Variants in SERPINH1 observed in about 807,000 individuals in gnomAD.
SERPINH1 encodes the protein serpin family H member 1.
A neutral mutation model predicts 32.3 loss-of-function variants in SERPINH1; 22 were observed. The observed-to-expected ratio is 0.68, with a 90% CI of 0.49 to 0.97. The LOEUF (loss-of-function observed/expected upper bound fraction) is 0.97, where lower values mean the gene tolerates loss of function less well. Ranked by LOEUF, SERPINH1 falls within the 50% of genes least tolerant of loss-of-function variation. The pLI, the probability that SERPINH1 is intolerant of heterozygous loss-of-function variation, is 0.00. For synonymous variants in SERPINH1, 251 were observed against 245.9 expected (o/e 1.02, Z -0.19); for missense variants, 543 against 576.4 (o/e 0.94, Z 0.59).
intron 2 of SERPINH1, 66 bp from the exon 3 acceptor site, chr11:75,568,665 T>C: frequency 1.9e-6 from 2 of 1,048,634 alleles, no homozygotes; most frequent in Non-Finnish European, 3.0e-6. Flanking sequence ...CGGGGGTGGC[T>C]GTGGGCTGTG....
Position 75,566,347 on chromosome 11 carries a change from G to C in SERPINH1, c.-3G>C. ...CGTGGTGCACGCAAACCACTTCCTG[G>C]CCATGCGCTCCCTCCTGCTTCTCAG... On this transcript the variant is annotated 5_prime_UTR_variant, in exon 2 of 5. Transcript: ENST00000358171. The C allele has an allele frequency of 1.2e-6, 2 of 1,607,244 alleles. No homozygotes were observed. The highest frequency in any genetic ancestry group is 1.7e-6 in the Non-Finnish European group (2 of 1,177,674).
At chr11:75,565,245 T>C (rs1942052879) in intron 1 of SERPINH1, among the ~76,000 whole-genome samples, 1 of 152,180 alleles carries the variant, frequency 6.6e-6, no homozygotes, top group Non-Finnish European at 1.5e-5. Context: ...AGATGGCCTG[T>C]GTGGCAGTGG....
At position 75,569,087 on chromosome 11, in the gene SERPINH1, G is replaced by A. The variant is rs747105294; in HGVS notation, c.870G>A (p.Leu290=). The change falls in exon 4 of 5, where the codon CTG becomes CTA. Residue 290 remains leucine, a synonymous_variant. Coordinates refer to ENST00000358171, the MANE Select transcript of SERPINH1 (RefSeq NM_001235.5). ...RLEKLLTKEQ[L]KIWMGKMQKK... is the part of the protein sequence containing the mutation. ...AAAAGCTGCTAACCAAAGAGCAGCTGAAGATCTGGATGGGGAAGATGCAGA... is the reference window on the plus strand; with the variant it reads ...AAAAGCTGCTAACCAAAGAGCAGCTAAAGATCTGGATGGGGAAGATGCAGA... The A allele has an allele frequency of 1.2e-6, 2 of 1,614,256 alleles. No individual in the cohort carries two copies. Among genetic ancestry groups the A allele is most frequent in the Admixed American group, 3.3e-5 (2 of 60,036 alleles).
At position 75,566,811 on chromosome 11, in the gene SERPINH1, C is replaced by T. The variant is rs779302299; in HGVS notation, c.462C>T (p.Tyr154=). The T allele has an allele frequency of 3.1e-6, 5 of 1,613,064 alleles. No homozygotes were observed. The East Asian group carries it at 8.9e-5, about 29-fold the overall frequency. The change falls in exon 2 of 5, where the codon TAC becomes TAT. Residue 154 remains tyrosine, a synonymous_variant. Coordinates refer to ENST00000358171, the MANE Select transcript of SERPINH1 (RefSeq NM_001235.5). The part of the protein sequence containing the change: ...DDFVRSSKQH[Y]NCEHSKINFR... ...TCGTGCGCAGCAGCAAGCAGCACTA[C>T]AACTGCGAGCACTCCAAGATCAACT...
At position 75,572,189 on chromosome 11, in the gene SERPINH1, A is replaced by C. The variant is rs1010753984; in HGVS notation, c.*106A>C. On this transcript the variant is annotated 3_prime_UTR_variant, in exon 5 of 5. Coordinates refer to ENST00000358171, the MANE Select transcript of SERPINH1 (RefSeq NM_001235.5). ...GTGAGGTACCAGCCTTGGATACTCC[A>C]TGGGGTGGGGGTGGAAAAACAGACC... 7.6e-5 allele frequency: 66 copies of C among 865,258 alleles called. No homozygotes were observed. The highest frequency in any genetic ancestry group is 1.6e-4 in the East Asian group (5 of 32,184). 53.6% of individuals were successfully genotyped at this position (865,258 alleles called of 1,614,324 possible). A position where few individuals can be genotyped will look rare whatever the true frequency, so the allele number is the denominator to read the frequency against.
intron 4 of SERPINH1, 28 bp downstream of exon 4, chr11:75,569,199 G>A (rs769977294): frequency 5.9e-6 from 9 of 1,535,728 alleles, no homozygotes; most frequent in Non-Finnish European, 7.1e-6. Flanking sequence ...CTAGGGGCCT[G>A]CAGGCCTTGG....
At chr11:75,564,355 G>A (rs72991878) in intron 1 of SERPINH1, among the ~76,000 whole-genome samples, 3,703 of 152,294 alleles carry the variant, frequency 0.024, 66 homozygotes, top group Non-Finnish European at 0.036. Flanking sequence ...GGTGGGGGTG[G>A]GGGCTGTCAA....
rs1195158034 is a variant in SERPINH1, at chr11:75,568,941, C to T, written c.724C>T (p.Leu242Phe). The T allele has an allele frequency of 1.9e-6, 3 of 1,613,910 alleles. No individual in the cohort carries two copies. Among genetic ancestry groups the T allele is most frequent in the Non-Finnish European group, 1.7e-6 (2 of 1,179,970 alleles). Residue 242 changes from leucine to phenylalanine, a missense_variant and splice_region_variant, in exon 4 of 5, where the codon CTC becomes TTC. Leu to Phe is a conservative substitution (Grantham distance 22, BLOSUM62 0). Coordinates refer to ENST00000358171, the MANE Select transcript of SERPINH1 (RefSeq NM_001235.5). ...TGTCCTTTCCGCTCCTCTCCCAGGC[C>T]TCTACAACTACTACGACGACGAGAA... ...VGVMMMHRTG[L>F]YNYYDDEKEK... is the part of the protein sequence containing the mutation.
chr11:75,572,102 G>C lies in SERPINH1; in HGVS notation c.*19G>C. 6.2e-7 allele frequency: 1 copy of C among 1,613,424 alleles called. No individual in the cohort carries two copies. The highest frequency in any genetic ancestry group is 8.5e-7 in the Non-Finnish European group (1 of 1,179,672). Reference sequence around the variant, plus strand: ...GTTATAGGGCCTCAGGGTGCACACAGGATGGCAGGAGGCATCCAAAGGCTC... The same window carrying C: ...GTTATAGGGCCTCAGGGTGCACACACGATGGCAGGAGGCATCCAAAGGCTC... On this transcript the variant is annotated 3_prime_UTR_variant, in exon 5 of 5. Transcript: ENST00000358171.
rs1323396560 is a variant in SERPINH1, at chr11:75,572,681, T to C, written c.*598T>C. 6.4e-6 allele frequency: 1 copy of C among 157,300 alleles called. No individual in the cohort carries two copies. Among genetic ancestry groups the C allele is most frequent in the African/African-American group, 2.4e-5 (1 of 41,478 alleles). 9.7% of individuals were successfully genotyped at this position (157,300 alleles called of 1,614,324 possible). On this transcript the variant is annotated 3_prime_UTR_variant, in exon 5 of 5. Transcript: ENST00000358171. ...TTTGTTTTGTTTCTTCCTTTTTTAG[T>C]TCTTCAAAGATAGGGAGGGAAGGGG...
At position 75,566,926 on chromosome 11, in the gene SERPINH1, G is replaced by T; in HGVS notation, c.577G>T (p.Glu193Ter). 2 of 1,605,652 alleles carry T rather than the reference G, an allele frequency of 1.2e-6. No individual in the cohort carries two copies. The highest frequency in any genetic ancestry group is 8.5e-7 in the Non-Finnish European group (1 of 1,179,722). The change falls in exon 2 of 5, where the codon GAG (glutamate) becomes TAG (stop). Residue 193 changes from glutamate (E) to a stop codon, truncating the protein, a stop_gained. Coordinates refer to ENST00000358171, the MANE Select transcript of SERPINH1 (RefSeq NM_001235.5). LOFTEE classifies it high-confidence loss of function. ...GCTGCCCGAGGTCACCAAGGACGTG[G>T]AGCGCACGGACGGCGCCCTGCTAGT... ...GKLPEVTKDV[E>*]RTDGALLVNA...
At position 75,570,549 on chromosome 11, in the gene SERPINH1, G is replaced by A. The variant is rs184285352; in HGVS notation, c.955-1232G>A. Among the ~76,000 whole-genome samples the A allele has an allele frequency of 2.0e-5, 3 of 152,314 alleles. No individual in the cohort carries two copies. The East Asian group carries it at 5.8e-4, about 29-fold the overall frequency. On this transcript the variant is annotated intron_variant, in intron 4 of 4. Transcript: ENST00000358171. ...AGTTAGGAAATTTGAGGCGGATGAC[G>A]TGTGCAAGGTCATCCGGGTGGGAAG... is the stretch of plus-strand genomic sequence containing the variant.
Position 75,566,451 on chromosome 11 carries a change from G to T in SERPINH1, c.102G>T (p.Glu34Asp). The T allele has an allele frequency of 6.2e-7, 1 of 1,612,396 alleles. No homozygotes were observed. Among genetic ancestry groups the T allele is most frequent in the South Asian group, 1.1e-5 (1 of 90,990 alleles). ...PAAAAAPGTA[E>D]KLSPKAATLA... ...CCGCAGCAGCTCCTGGCACTGCGGA[G>T]AAGTTGAGCCCCAAGGCGGCCACGC... Residue 34 changes from glutamate to aspartate, a missense_variant, in exon 2 of 5, where the codon GAG becomes GAT. Coordinates refer to ENST00000358171, the MANE Select transcript of SERPINH1 (RefSeq NM_001235.5).
intron 2 of SERPINH1, chr11:75,567,762 T>A (rs1942116556): frequency 6.6e-6 from 1 of 152,224 alleles, no homozygotes; most frequent in Non-Finnish European, 1.5e-5. Flanking sequence ...AGATTAGATG[T>A]AGGGTTAATA....
chr11:75,572,084 G>C lies in SERPINH1; in HGVS notation c.*1G>C. Reference sequence around the variant, plus strand: ...TGACAAGATGCGAGACGAGTTATAGGGCCTCAGGGTGCACACAGGATGGCA... The same window carrying C: ...TGACAAGATGCGAGACGAGTTATAGCGCCTCAGGGTGCACACAGGATGGCA... On this transcript the variant is annotated 3_prime_UTR_variant, in exon 5 of 5. Transcript: ENST00000358171. 2 of 1,613,998 alleles carry C rather than the reference G, an allele frequency of 1.2e-6. No individual in the cohort carries two copies. Among genetic ancestry groups the C allele is most frequent in the Non-Finnish European group, 1.7e-6 (2 of 1,180,014 alleles).
rs964778897 is a variant in SERPINH1 at position 75,572,218 on chromosome 11, G to A, written c.*135G>A. The stretch of plus-strand genomic sequence containing the variant: ...GGTGGGGGTGGAAAAACAGACCGGG[G>A]TTCCCGTGTGCCTGAGCGGACCTTC... On this transcript the variant is annotated 3_prime_UTR_variant, in exon 5 of 5. Transcript: ENST00000358171. The A allele has an allele frequency of 2.4e-5, 20 of 850,868 alleles. No homozygotes were observed. In the African/African-American group the frequency reaches 2.8e-4, roughly 12 times the overall value. 52.7% of individuals were successfully genotyped at this position (850,868 alleles called of 1,614,324 possible). A position where few individuals can be genotyped will look rare whatever the true frequency, so the allele number is the denominator to read the frequency against.
Position 75,572,318 on chromosome 11 carries a change from G to A in SERPINH1, c.*235G>A. The A allele has an allele frequency of 1.7e-6, 1 of 597,840 alleles. No homozygotes were observed. Among genetic ancestry groups the A allele is most frequent in the East Asian group, 2.9e-5 (1 of 34,522 alleles). The allele number at this position is 597,840 out of a possible 1,614,324, so 37.0% of individuals were successfully genotyped here. A position where few individuals can be genotyped will look rare whatever the true frequency, so the allele number is the denominator to read the frequency against. ...TGAGCCCGGAAACTCCACATCCTGT[G>A]GGACCTGGGCCATAGTCATTCTGCC... is the stretch of plus-strand genomic sequence containing the variant. On this transcript the variant is annotated 3_prime_UTR_variant, in exon 5 of 5. Coordinates refer to ENST00000358171, the MANE Select transcript of SERPINH1 (RefSeq NM_001235.5).
At chr11:75,571,498 C>T (rs1342064901) in intron 4 of SERPINH1, among the ~76,000 whole-genome samples, 4 of 152,148 alleles carry the variant, frequency 2.6e-5, no homozygotes, top group Non-Finnish European at 4.4e-5. Context: ...TGCTGTCTGT[C>T]CCTGAACTGC....
At chr11:75,565,718 A>G (rs1483917668) in intron 1 of SERPINH1, among the ~76,000 whole-genome samples, 4 of 152,340 alleles carry the variant, frequency 2.6e-5, no homozygotes, top group Non-Finnish European at 4.4e-5. Context: ...TTAACATCCC[A>G]GAGCAGAATG....
Sources: allele counts gnomAD v4.1 joint callset (sites outside exome capture counted in the v4.1 genomes callset), GRCh38; gene constraint gnomAD v4.1.1; transcripts MANE v1.5; gene names NCBI Gene and HGNC (gene_info 2026-07-23, HGNC 2026-07-21).